The following SAMD12 variants were observed in gnomAD, a reference collection of about 807,000 sequenced individuals.
SAMD12 encodes sterile alpha motif domain-containing protein 12.
A neutral mutation model predicts 15.0 loss-of-function variants in SAMD12; 9 were observed. The observed-to-expected ratio is 0.60, with a 90% CI of 0.36 to 1.05. SAMD12 has a LOEUF of 1.05. SAMD12 is among the 50% of genes least tolerant of loss of function. The probability of loss-of-function intolerance (pLI) is 0.01; values close to 1 mark genes in which losing one functional copy is unlikely to be tolerated. For missense variants in SAMD12, 230 were observed against 234.2 expected, an observed-to-expected ratio of 0.98 and a Z score of 0.12; for synonymous variants, 86 against 90.1, an observed-to-expected ratio of 0.96 and a Z score of 0.25.
At chr8:118,339,267 C>T (rs977354022) in intron 4 of SAMD12, among the ~76,000 whole-genome samples, 60 of 152,126 alleles carry the variant, frequency 3.9e-4, no homozygotes, top group African/African-American at 1.4e-3. Context: ...GAGGTGAGGG[C>T]TGTAGTGAGC....
intron 2 of SAMD12, among the ~76,000 whole-genome samples, chr8:118,444,538 T>G (rs1405214110): frequency 1.5e-5 from 2 of 131,518 alleles, no homozygotes; most frequent in African/African-American, 6.6e-5. Context: ...TGCAAATTAC[T>G]TTTTTTTTTT....
At chr8:118,460,887 C>T (rs1329283341) in intron 2 of SAMD12, among the ~76,000 whole-genome samples, 2 of 152,182 alleles carry the variant, frequency 1.3e-5, no homozygotes, top group Admixed American at 1.3e-4. Flanking sequence ...GCAAAACTGA[C>T]ATGACGGCAC....
chr8:118,300,322 C>G (rs1261814628), intron 4 of SAMD12, among the ~76,000 whole-genome samples: 1 of 152,104 alleles, frequency 6.6e-6, no homozygotes, highest in Non-Finnish European at 1.5e-5. Context: ...CTTCTTTTAC[C>G]ATTCCTAGTT....
At chr8:118,569,678 C>G (rs1826952438) in intron 2 of SAMD12, among the ~76,000 whole-genome samples, 1 of 152,164 alleles carries the variant, frequency 6.6e-6, no homozygotes, top group Non-Finnish European at 1.5e-5. Flanking sequence ...AGCTCACTCT[C>G]TCTGCCATAT....
intron 4 of SAMD12, among the ~76,000 whole-genome samples, chr8:118,278,647 A>G (rs774482459): frequency 1.2e-4 from 19 of 152,142 alleles, no homozygotes; most frequent in Non-Finnish European, 2.2e-4. Context: ...TCTGCTCAAA[A>G]CCAGGTTGGA....
chr8:118,581,005 G>A (rs1025015064), intron 1 of SAMD12, 112 bp from the exon 2 acceptor site: 11 of 714,814 alleles, frequency 1.5e-5, no homozygotes, highest in Non-Finnish European at 2.3e-5. Flanking sequence ...TCTATGAGTC[G>A]AGAGGTGGTG....
At chr8:118,508,241 G>A (rs1389663932) in intron 2 of SAMD12, among the ~76,000 whole-genome samples, 1 of 150,088 alleles carries the variant, frequency 6.7e-6, no homozygotes, top group Non-Finnish European at 1.5e-5. Flanking sequence ...CCTGTCGTGG[G>A]GTCGGGGGAG....
intron 2 of SAMD12, among the ~76,000 whole-genome samples, chr8:118,518,802 T>G (rs987811689): frequency 6.6e-6 from 1 of 152,202 alleles, no homozygotes; most frequent in African/African-American, 2.4e-5. Context: ...CTTTCTGAGA[T>G]ATCCAAACTA....
chr8:118,524,310 C>T (rs1377011102), intron 2 of SAMD12, among the ~76,000 whole-genome samples: 1 of 152,154 alleles, frequency 6.6e-6, no homozygotes, highest in African/African-American at 2.4e-5. Flanking sequence ...AAAGCAAGAA[C>T]ATTTGATTCC....
intron 4 of SAMD12, among the ~76,000 whole-genome samples, chr8:118,233,102 T>C (rs1169743323): frequency 1.3e-5 from 2 of 152,186 alleles, no homozygotes; most frequent in Non-Finnish European, 2.9e-5. Flanking sequence ...ATATTTTTCT[T>C]CCTCCCAAAC....
intron 2 of SAMD12, among the ~76,000 whole-genome samples, chr8:118,518,702 C>A (rs1475796324): frequency 6.6e-6 from 1 of 152,176 alleles, no homozygotes; most frequent in Non-Finnish European, 1.5e-5. Flanking sequence ...GCTTTTCACA[C>A]CCTACTACAC....
At chr8:118,479,968 AT>A (rs1170950953) in intron 2 of SAMD12, among the ~76,000 whole-genome samples, 1 of 152,212 alleles carries the variant, frequency 6.6e-6, no homozygotes, top group African/African-American at 2.4e-5. Context: ...GAATACCAGA[AT>A]CATATTTAGA....
chr8:118,454,778 A>G (rs879008310), intron 2 of SAMD12, among the ~76,000 whole-genome samples: 4 of 152,146 alleles, frequency 2.6e-5, no homozygotes, highest in Admixed American at 2.6e-4. Context: ...CACCCATTAA[A>G]CAATAACTCC....
In SAMD12 at chr8:118,549,753, C is replaced by G. The variant is rs147423659; in HGVS notation, c.192+30962G>C. ...ACGAGCTACAGGAAGAAATTCAAAC[C>G]AAAGGTAAAGAAGTTAAAAACTTTG... On this transcript the variant is annotated intron_variant, in intron 2 of 3. Coordinates refer to ENST00000314727, the MANE Select transcript of SAMD12 (RefSeq NM_207506.3). 6.9e-3 allele frequency among the ~76,000 whole-genome samples: 1,049 copies of G among 152,054 alleles called. 10 individuals are homozygous for G. Among genetic ancestry groups the G allele is most frequent in the Non-Finnish European group, 0.012 (815 of 67,998 alleles).
intron 2 of SAMD12, among the ~76,000 whole-genome samples, chr8:118,529,736 A>G (rs1394330579): frequency 6.6e-6 from 1 of 152,022 alleles, no homozygotes; most frequent in African/African-American, 2.4e-5. Flanking sequence ...ATTCTTTTTT[A>G]TGGCTGAGCA....
At chr8:118,501,834 G>T (rs925515811) in intron 2 of SAMD12, among the ~76,000 whole-genome samples, 14 of 152,132 alleles carry the variant, frequency 9.2e-5, no homozygotes, top group Non-Finnish European at 1.9e-4. Context: ...GGCTAACACG[G>T]TGAAACCCTG....
intron 1 of SAMD12, among the ~76,000 whole-genome samples, chr8:118,613,538 C>T (rs1828158483): frequency 1.3e-5 from 2 of 152,246 alleles, no homozygotes; most frequent in South Asian, 4.1e-4. Flanking sequence ...GATCATTTTT[C>T]CCCAAAATAT....
chr8:118,433,936 T>C (rs972156998), intron 3 of SAMD12, among the ~76,000 whole-genome samples: 2 of 152,228 alleles, frequency 1.3e-5, no homozygotes, highest in Non-Finnish European at 2.9e-5. Context: ...GTAATTATTC[T>C]ACTCCTTTTG....
chr8:118,594,504 G>T (rs1394089903), intron 1 of SAMD12, among the ~76,000 whole-genome samples: 7 of 152,150 alleles, frequency 4.6e-5, no homozygotes. Context: ...CAAAAAATAG[G>T]CTAGCCAATA....
Sources: gnomAD v4.1 joint callset for allele counts (sites outside exome capture counted in the v4.1 genomes callset) on GRCh38, gnomAD v4.1.1 for gene constraint, MANE v1.5 for transcripts, NCBI Gene and HGNC (gene_info 2026-07-23, HGNC 2026-07-21) for gene names.